MEX3A: variants seen among roughly 807,000 people sequenced by gnomAD.
MEX3A encodes the protein RNA-binding protein MEX3A.
MEX3A carries 4 observed loss-of-function variants against 30.0 expected under a neutral mutation model. That is an observed-to-expected ratio of 0.13 (90% confidence interval 0.07 to 0.30). MEX3A has a LOEUF of 0.30. Among genes scored for constraint, MEX3A ranks in the 10% least tolerant of loss-of-function variants. The pLI, the probability that MEX3A is intolerant of heterozygous loss-of-function variation, is 1.00. For missense variants in MEX3A, 555 were observed against 736.7 expected (o/e 0.75, Z 2.86); for synonymous variants, 335 against 327.6 (o/e 1.02, Z -0.24).
Position 156,076,920 on chromosome 1 carries a change from G to A in MEX3A, c.1217C>T (p.Ser406Phe), listed in dbSNP as rs1558100893. ...AGAGGAGGAGGAGGAGGAGGCAGAG[G>A]AGAAGAGCACGGAGGTGGGCGTGGC... ...ENATPTSVLFSSASSSSSSSA... is the reference protein window; with the variant it reads ...ENATPTSVLFFSASSSSSSSA... The change falls in exon 2 of 2, where the codon TCC becomes TTC. Residue 406 changes from serine to phenylalanine, a missense_variant. Physicochemically the swap from Ser to Phe is radical, Grantham distance 155. Transcript: ENST00000532414. The surrounding 1 kb of genome is among the most constrained non-coding windows in gnomAD (Gnocchi z 6.0). 2 of 1,590,212 alleles carry A rather than the reference G, an allele frequency of 1.3e-6. No individual in the cohort carries two copies. Among genetic ancestry groups the A allele is most frequent in the Middle Eastern group, 1.7e-4 (1 of 5,994 alleles).
At chr1:156,080,405 C>T (rs963843473) in intron 1 of MEX3A, among the ~76,000 whole-genome samples, 28 of 152,110 alleles carry the variant, frequency 1.8e-4, no homozygotes, top group African/African-American at 6.8e-4. Flanking sequence ...CCCCCTGGCC[C>T]GCCTCCCCTT....
In MEX3A at chr1:156,073,777, C is replaced by CT. The variant is rs1188780621; in HGVS notation, c.*2796dup. 6.5e-6 allele frequency: 1 copy of CT among 152,676 alleles called. No homozygotes were observed. Among genetic ancestry groups the CT allele is most frequent in the Non-Finnish European group, 1.5e-5 (1 of 68,034 alleles). 9.5% of individuals were successfully genotyped at this position (152,676 alleles called of 1,614,324 possible). A position where few individuals can be genotyped will look rare whatever the true frequency, so the allele number is the denominator to read the frequency against. On this transcript the variant is annotated 3_prime_UTR_variant, in exon 2 of 2. Transcript: ENST00000532414. ...TAGATCTCTTAAATCTCACACATCT[C>CT]TGAGGGTTCCTATAGGCCTGCTAGG...
chr1:156,081,488 T>C, intron 1 of MEX3A, 57 bp downstream of exon 1: 1 of 1,452,174 alleles, frequency 6.9e-7, no homozygotes, highest in South Asian at 1.2e-5. Flanking sequence ...CTTTCCGCGC[T>C]AGGGACGAGG....
At position 156,076,573 on chromosome 1, in the gene MEX3A, C is replaced by T. The variant is rs1165101350; in HGVS notation, c.*1G>A. ...GGCCCCGGAGGCATGGGGCACGGGG[C>T]TTAGGAGAATATTCGGATGGCTTGC... On this transcript the variant is annotated 3_prime_UTR_variant, in exon 2 of 2. Coordinates refer to ENST00000532414, the MANE Select transcript of MEX3A (RefSeq NM_001093725.2). The surrounding 1 kb of genome is among the most constrained non-coding windows in gnomAD (Gnocchi z 6.0). 6 of 1,609,786 alleles carry T rather than the reference C, an allele frequency of 3.7e-6. No homozygotes were observed. In the East Asian group the frequency reaches 1.1e-4, roughly 30 times the overall value.
chr1:156,077,701 GGA>G lies in MEX3A; in HGVS notation c.455-21_455-20del, dbSNP rs1648113614. ...TTGCAGCCTGGGATAGGGCGGGGAA[GGA>G]GAGAGACAAAGAAACGCACACAGCA... is the stretch of plus-strand genomic sequence containing the variant. On this transcript the variant is annotated intron_variant, in intron 1 of 1. Coordinates refer to ENST00000532414, the MANE Select transcript of MEX3A (RefSeq NM_001093725.2). The surrounding 1 kb of genome is among the most constrained non-coding windows in gnomAD (Gnocchi z 8.3). 1.3e-6 allele frequency: 2 copies of G among 1,553,462 alleles called. No homozygotes were observed. Among genetic ancestry groups the G allele is most frequent in the South Asian group, 1.2e-5 (1 of 84,406 alleles).
In MEX3A at chr1:156,081,905, G is replaced by C; in HGVS notation, c.94C>G (p.Leu32Val). ...AGCTGAAGGGCGCGCTCGTCTTCCA[G>C]CAGCCCTCGGTCCTTAGCGCTTCCC... is the stretch of plus-strand genomic sequence containing the variant. ...FGGSAKDRGLLEDERALQLAL... is the reference protein window; with the variant it reads ...FGGSAKDRGLVEDERALQLAL... The change falls in exon 1 of 2, where the codon CTG becomes GTG. Residue 32 changes from leucine to valine, a missense_variant. By Grantham distance (32) the Leu-to-Val change is conservative. Around this residue, in one of 6 missense-constraint regions of MEX3A, gnomAD observed 159 missense variants for 159.9 expected, o/e 0.99. Transcript: ENST00000532414. 6.5e-7 allele frequency: 1 copy of C among 1,527,120 alleles called. No homozygotes were observed. Among genetic ancestry groups the C allele is most frequent in the Non-Finnish European group, 8.8e-7 (1 of 1,135,998 alleles). 94.6% of individuals were successfully genotyped at this position (1,527,120 alleles called of 1,614,324 possible).
In MEX3A at chr1:156,081,829, G is replaced by T. The variant is rs772786753; in HGVS notation, c.170C>A (p.Thr57Lys). 4 of 1,259,498 alleles carry T rather than the reference G, an allele frequency of 3.2e-6. No individual in the cohort carries two copies. In the South Asian group the frequency reaches 5.2e-5, roughly 17 times the overall value. 78.0% of individuals were successfully genotyped at this position (1,259,498 alleles called of 1,614,324 possible). ...CCCACCTCCCCCGTCCTCGCCCGCC[G>T]TGGGGGCGGGGGGCTCCCCCAAACC... ...LLGLGEPPAP[T>K]AGEDGGGGGG... Residue 57 changes from threonine to lysine, a missense_variant, in exon 1 of 2, where the codon ACG becomes AAG. Thr to Lys is a moderately conservative substitution (Grantham distance 78). Coordinates refer to ENST00000532414, the MANE Select transcript of MEX3A (RefSeq NM_001093725.2).
At position 156,075,920 on chromosome 1, in the gene MEX3A, G is replaced by C. The variant is rs1277829288; in HGVS notation, c.*654C>G. 6.6e-6 allele frequency: 1 copy of C among 152,396 alleles called. No homozygotes were observed. The highest frequency in any genetic ancestry group is 1.5e-5 in the Non-Finnish European group (1 of 68,104). 9.4% of individuals were successfully genotyped at this position (152,396 alleles called of 1,614,324 possible). ...CTCCTCTCCAGATTCCTCTAGCCCAGCTTTGTGGGGACAGATGGCTTCTGA... is the reference window on the plus strand; with the variant it reads ...CTCCTCTCCAGATTCCTCTAGCCCACCTTTGTGGGGACAGATGGCTTCTGA... On this transcript the variant is annotated 3_prime_UTR_variant, in exon 2 of 2. Transcript: ENST00000532414.
At position 156,077,210 on chromosome 1, in the gene MEX3A, G is replaced by A. The variant is rs780149226; in HGVS notation, c.927C>T (p.Pro309=). The change falls in exon 2 of 2, where the codon CCC becomes CCT. Residue 309 remains proline (P), a synonymous_variant. Coordinates refer to ENST00000532414, the MANE Select transcript of MEX3A (RefSeq NM_001093725.2). The surrounding 1 kb of genome is among the most constrained non-coding windows in gnomAD (Gnocchi z 8.3). ...NNENDFLAGS[P]DAAIDSRYSD... is the part of the protein sequence containing the mutation. Reference sequence around the variant, plus strand: ...AGTAGCGGCTATCGATTGCTGCGTCGGGGCTCCCCGCCAGGAAGTCGTTTT... The same window carrying A: ...AGTAGCGGCTATCGATTGCTGCGTCAGGGCTCCCCGCCAGGAAGTCGTTTT... 39 of 1,613,570 alleles carry A rather than the reference G, an allele frequency of 2.4e-5. No homozygotes were observed. Among genetic ancestry groups the A allele is most frequent in the South Asian group, 9.9e-5 (9 of 91,086 alleles).
chr1:156,080,033 G>A (rs1262532654), intron 1 of MEX3A, among the ~76,000 whole-genome samples: 1 of 152,108 alleles, frequency 6.6e-6, no homozygotes, highest in Non-Finnish European at 1.5e-5. Flanking sequence ...CTTGACTGAG[G>A]GGCAGGCTTA....
chr1:156,077,144 GA>G lies in MEX3A; in HGVS notation c.992del (p.Leu331ProfsTer147). On this transcript the variant is annotated frameshift_variant, in exon 2 of 2. Coordinates refer to ENST00000532414, the MANE Select transcript of MEX3A (RefSeq NM_001093725.2). LOFTEE classifies it high-confidence loss of function. This position sits in a 1 kb window ranked among gnomAD's most constrained non-coding sequence, Gnocchi z 8.3. ...CCAGGCTGTTCTGCCGGAAGGTGGA[GA>G]GGGGCTTGCAGCCGGGCTGGTGCAC... ...WRVHQPGCKP[L>X]STFRQNSLGC... is the part of the protein sequence containing the mutation. 1 of 1,613,684 alleles carries G rather than the reference GA, an allele frequency of 6.2e-7. No individual in the cohort carries two copies. The highest frequency in any genetic ancestry group is 8.5e-7 in the Non-Finnish European group (1 of 1,179,834).
Position 156,076,554 on chromosome 1 carries a change from G to A in MEX3A, c.*20C>T, listed in dbSNP as rs1164551334. The A allele has an allele frequency of 1.3e-6, 2 of 1,595,792 alleles. No homozygotes were observed. Among genetic ancestry groups the A allele is most frequent in the African/African-American group, 2.7e-5 (2 of 74,558 alleles). On this transcript the variant is annotated 3_prime_UTR_variant, in exon 2 of 2. Transcript: ENST00000532414. This position sits in a 1 kb window ranked among gnomAD's most constrained non-coding sequence, Gnocchi z 6.0. ...GGGTGGGCCCAGTGGAGTGGGCCCC[G>A]GAGGCATGGGGCACGGGGCTTAGGA...
chr1:156,076,458 A>G lies in MEX3A; in HGVS notation c.*116T>C, dbSNP rs1572298145. ...TGCCTCCCTCCCCCCTTCCCCAGCGAGCGAGTATCTCTAAGCACCTTGCCC... is the reference window on the plus strand; with the variant it reads ...TGCCTCCCTCCCCCCTTCCCCAGCGGGCGAGTATCTCTAAGCACCTTGCCC... On this transcript the variant is annotated 3_prime_UTR_variant, in exon 2 of 2. Transcript: ENST00000532414. This position sits in a 1 kb window ranked among gnomAD's most constrained non-coding sequence, Gnocchi z 6.0. The G allele has an allele frequency of 9.5e-7, 1 of 1,055,316 alleles. No homozygotes were observed. The highest frequency in any genetic ancestry group is 1.3e-6 in the Non-Finnish European group (1 of 750,242). The allele number at this position is 1,055,316 out of a possible 1,614,324, so 65.4% of individuals were successfully genotyped here.
At chr1:156,080,170 G>C (rs1313032375) in intron 1 of MEX3A, among the ~76,000 whole-genome samples, 1 of 152,120 alleles carries the variant, frequency 6.6e-6, no homozygotes, top group Non-Finnish European at 1.5e-5. Flanking sequence ...CCCAAGAAAA[G>C]ATAGCAATGT....
In MEX3A at chr1:156,073,647, AATT is replaced by A. The variant is rs932185383; in HGVS notation, c.*2924_*2926del. 35 of 152,184 alleles carry A rather than the reference AATT, an allele frequency of 2.3e-4. No homozygotes were observed. Among genetic ancestry groups the A allele is most frequent in the Non-Finnish European group, 3.8e-4 (26 of 67,992 alleles). The allele number at this position is 152,184 out of a possible 1,614,324, so 9.4% of individuals were successfully genotyped here. On this transcript the variant is annotated 3_prime_UTR_variant, in exon 2 of 2. Transcript: ENST00000532414. ...TCTAGGATTATATGAAATAAATTTGAATTATTATTATTAATAATTATTATTTTG... is the reference window on the plus strand; with the variant it reads ...TCTAGGATTATATGAAATAAATTTGAATTATTATTAATAATTATTATTTTG...
At position 156,077,639 on chromosome 1, in the gene MEX3A, G is replaced by A. The variant is rs372044632; in HGVS notation, c.498C>T (p.Ile166=). Residue 166 remains isoleucine, a synonymous_variant, in exon 2 of 2, where the codon ATC becomes ATT. Coordinates refer to ENST00000532414, the MANE Select transcript of MEX3A (RefSeq NM_001093725.2). This position sits in a 1 kb window ranked among gnomAD's most constrained non-coding sequence, Gnocchi z 8.3. ...GTTCCTCGCCCCTCACCGGTGTCTT[G>A]ATGTAGGTGTTGGTCTTGGCCCTCA... The part of the protein sequence containing the change: ...KALRAKTNTY[I]KTPVRGEEPV... 4 of 1,604,770 alleles carry A rather than the reference G, an allele frequency of 2.5e-6. No individual in the cohort carries two copies. The African/African-American group carries it at 4.0e-5, about 16-fold the overall frequency.
intron 1 of MEX3A, among the ~76,000 whole-genome samples, chr1:156,080,888 T>G (rs1306674214): frequency 6.7e-6 from 1 of 149,576 alleles, no homozygotes. Context: ...AGAGGAGAGG[T>G]CCAAGCCAGG....
rs1272753074 is a variant in MEX3A, at chr1:156,074,454, G to T, written c.*2120C>A. On this transcript the variant is annotated 3_prime_UTR_variant, in exon 2 of 2. Transcript: ENST00000532414. The stretch of plus-strand genomic sequence containing the variant: ...TTGTTTTCTCTCCTCTGTGTTGGTC[G>T]CCTGTCTCGCTCCCTCTCATGCTCT... 1 of 141,928 alleles carries T rather than the reference G, an allele frequency of 7.0e-6. No homozygotes were observed. The highest frequency in any genetic ancestry group is 1.5e-5 in the Non-Finnish European group (1 of 66,226). The allele number at this position is 141,928 out of a possible 1,614,324, so 8.8% of individuals were successfully genotyped here. A position where few individuals can be genotyped will look rare whatever the true frequency, so the allele number is the denominator to read the frequency against.
chr1:156,081,381 G>A (rs183618247), intron 1 of MEX3A, among the ~76,000 whole-genome samples, 164 bp downstream of exon 1: 275 of 152,316 alleles, frequency 1.8e-3, no homozygotes, highest in African/African-American at 6.0e-3. Flanking sequence ...TAGGGGTAAC[G>A]GGGAACTTTG....
Sources: allele counts gnomAD v4.1 joint callset (sites outside exome capture counted in the v4.1 genomes callset), GRCh38; gene constraint gnomAD v4.1.1; regional missense constraint gnomAD v4.1.1; non-coding constraint Gnocchi (gnomAD v3.1); transcripts MANE v1.5; gene names NCBI Gene and HGNC (gene_info 2026-07-23, HGNC 2026-07-21).